The following AATK variants were observed in gnomAD, a reference collection of about 807,000 sequenced individuals.
AATK encodes the protein serine/threonine-protein kinase LMTK1.
AATK carries 91 observed loss-of-function variants against 114.3 expected under a neutral mutation model. That is an observed-to-expected ratio of 0.80 (90% CI 0.67 to 0.95). The LOEUF (loss-of-function observed/expected upper bound fraction) is 0.95, where lower values mean the gene tolerates loss of function less well. AATK is among the 40% of genes least tolerant of loss of function. The pLI is 0.00. For missense variants in AATK, 2,176 were observed against 1,965.2 expected, an observed-to-expected ratio of 1.11 and a Z score of -2.03; for synonymous variants, 1,075 against 916.5, an observed-to-expected ratio of 1.17 and a Z score of -3.12.
intron 1 of AATK, among the ~76,000 whole-genome samples, chr17:81,158,025 G>A (rs938957339): frequency 1.1e-4 from 17 of 152,238 alleles, no homozygotes; most frequent in African/African-American, 4.1e-4. Flanking sequence ...GCAGCAGCAG[G>A]GGGCTGCTGG....
chr17:81,138,723 CCA>C (rs749012776), intron 1 of AATK, among the ~76,000 whole-genome samples: 1 of 149,376 alleles, frequency 6.7e-6, no homozygotes, highest in Non-Finnish European at 1.5e-5. Flanking sequence ...ACGCGCAAAC[CCA>C]CACATGCGCG....
At position 81,120,999 on chromosome 17, in the gene AATK, G is replaced by C. The variant is rs56171293; in HGVS notation, c.2937C>G (p.Leu979=). Residue 979 remains leucine (L), a synonymous_variant, in exon 11 of 14, where the codon CTC becomes CTG. Transcript: ENST00000326724. The part of the protein sequence containing the change: ...EGEGPGPETR[L]STSLSGLNEK... ...CGTTGAGGCCACTGAGGGAGGTGGA[G>C]AGCCGTGTCTCGGGCCCGGGGCCCT... 81 of 1,610,626 alleles carry C rather than the reference G, an allele frequency of 5.0e-5. No individual in the cohort carries two copies. The highest frequency in any genetic ancestry group is 6.8e-5 in the Non-Finnish European group (80 of 1,179,160).
Position 81,120,098 on chromosome 17 carries a change from G to A in AATK, c.3736-15C>T, listed in dbSNP as rs1398202739. On this transcript the variant is annotated splice_polypyrimidine_tract_variant and intron_variant, in intron 11 of 13. Transcript: ENST00000326724. ...GTGGGGCTTTCCTGGAGGAATCAGAGAGCACCAGGTAGCTCGGCCGCCAGG... is the reference window on the plus strand; with the variant it reads ...GTGGGGCTTTCCTGGAGGAATCAGAAAGCACCAGGTAGCTCGGCCGCCAGG... 3.4e-6 allele frequency: 5 copies of A among 1,464,030 alleles called. No homozygotes were observed. The allele number at this position is 1,464,030 out of a possible 1,614,324, so 90.7% of individuals were successfully genotyped here.
chr17:81,132,921 C>G, intron 2 of AATK: 1 of 251,562 alleles, frequency 4.0e-6, no homozygotes, highest in Non-Finnish European at 8.1e-6. Flanking sequence ...TTGTTTGGGG[C>G]CTTGTTCTTA....
At chr17:81,152,844 A>AT (rs71166127) in intron 1 of AATK, among the ~76,000 whole-genome samples, 65,804 of 144,980 alleles carry the variant, frequency 0.45, 14,807 homozygotes, top group South Asian at 0.6. Context: ...GCCCTGCTGA[A>AT]TTTTTTTTTT....
At chr17:81,143,758 G>A (rs1252453732) in intron 1 of AATK, among the ~76,000 whole-genome samples, 1 of 152,200 alleles carries the variant, frequency 6.6e-6, no homozygotes. Context: ...GGGGTAAGGC[G>A]AGGCCTCCAC....
At chr17:81,165,885 C>CGTCCGCA in intron 1 of AATK, 53 bp downstream of exon 1, 2 of 1,550,320 alleles carry the variant, frequency 1.3e-6, no homozygotes, top group Non-Finnish European at 1.7e-6. Flanking sequence ...AGGGGCATCA[C>CGTCCGCA]GTCCGCAGCG....
rs754401007 is a variant in AATK, at chr17:81,120,024, C to T, written c.3795G>A (p.Thr1265=). 1.2e-5 allele frequency: 18 copies of T among 1,451,670 alleles called. No homozygotes were observed. The highest frequency in any genetic ancestry group is 3.0e-5 in the Admixed American group (1 of 33,004). The allele number at this position is 1,451,670 out of a possible 1,614,324, so 89.9% of individuals were successfully genotyped here. A position where few individuals can be genotyped will look rare whatever the true frequency, so the allele number is the denominator to read the frequency against. ...GAGAGCCGGGGCTCCCCCTAAGGAA[C>T]GTAGGGGGCGATTCCTTGGCGCCCG... ...PFPGAKESPP[T]FLRGSPGSPS... The change falls in exon 12 of 14, where the codon ACG becomes ACA. Residue 1265 remains threonine, a synonymous_variant. Coordinates refer to ENST00000326724, the MANE Select transcript of AATK (RefSeq NM_001080395.3).
At chr17:81,143,977 G>A (rs1012835078) in intron 1 of AATK, among the ~76,000 whole-genome samples, 3 of 152,208 alleles carry the variant, frequency 2.0e-5, no homozygotes, top group East Asian at 1.9e-4. Context: ...GCCCAGGGTT[G>A]CCCCTGCATG....
At chr17:81,119,164 AGGTGAG>A (rs2060633474) in intron 13 of AATK, among the ~76,000 whole-genome samples, 1 of 134,560 alleles carries the variant, frequency 7.4e-6, no homozygotes, top group African/African-American at 2.8e-5. Flanking sequence ...GGTGAGGGTC[AGGTGAG>A]GGTCAGGTGA....
chr17:81,124,015 C>T (rs1313858078), intron 9 of AATK, among the ~76,000 whole-genome samples: 2 of 152,136 alleles, frequency 1.3e-5, no homozygotes, highest in Non-Finnish European at 2.9e-5. Flanking sequence ...CAGGAAGGGG[C>T]ACCTTGGTGG....
chr17:81,158,677 C>T lies in AATK; in HGVS notation c.55+7261G>A, dbSNP rs946732896. ...CCAAAAAATACCTCCAATGGGCACT[C>T]GCTTGAGGGGCTCAGAAGAGCTGGG... On this transcript the variant is annotated intron_variant, in intron 1 of 13. Coordinates refer to ENST00000326724, the MANE Select transcript of AATK (RefSeq NM_001080395.3). Among the ~76,000 whole-genome samples, 2 of 152,222 alleles carry T rather than the reference C, an allele frequency of 1.3e-5. 1 individual carries two copies. Among genetic ancestry groups the T allele is most frequent in the Non-Finnish European group, 2.9e-5 (2 of 68,040 alleles).
rs1403563168 is a variant in AATK at position 81,121,326 on chromosome 17, G to A, written c.2610C>T (p.Ile870=). 1 of 1,611,264 alleles carries A rather than the reference G, an allele frequency of 6.2e-7. No individual in the cohort carries two copies. Among genetic ancestry groups the A allele is most frequent in the African/African-American group, 1.3e-5 (1 of 74,394 alleles). ...GGCCGTCGCTGGACGTGTCGGTGAA[G>A]ATGCCTGAGGTGGCCTCGGCCGTGT... The part of the protein sequence containing the change: ...DEDTAEATSG[I]FTDTSSDGLQ... The change falls in exon 11 of 14, where the codon ATC becomes ATT. Residue 870 remains isoleucine (I), a synonymous_variant. Coordinates refer to ENST00000326724, the MANE Select transcript of AATK (RefSeq NM_001080395.3).
At chr17:81,134,020 A>G (rs935449174) in intron 2 of AATK, among the ~76,000 whole-genome samples, 2 of 152,108 alleles carry the variant, frequency 1.3e-5, no homozygotes, top group Admixed American at 6.5e-5. Flanking sequence ...TCGGGCCTCT[A>G]GGGAGGCAAG....
chr17:81,139,138 TATC>T (rs902203857), intron 1 of AATK, among the ~76,000 whole-genome samples: 4 of 152,190 alleles, frequency 2.6e-5, no homozygotes, highest in Non-Finnish European at 5.9e-5. Context: ...GCTCAGTAGG[TATC>T]ATCATCCTCA....
Position 81,122,370 on chromosome 17 carries a change from G to A in AATK, c.1566C>T (p.His522=). 1 of 1,501,534 alleles carries A rather than the reference G, an allele frequency of 6.7e-7. No homozygotes were observed. The highest frequency in any genetic ancestry group is 1.9e-4 in the Middle Eastern group (1 of 5,296). 93.0% of individuals were successfully genotyped at this position (1,501,534 alleles called of 1,614,324 possible). The change falls in exon 11 of 14, where the codon CAC becomes CAT. Residue 522 remains histidine, a synonymous_variant. Transcript: ENST00000326724. ...AGTACTCGCTGCCCAGCGACGGGCT[G>A]TGCGCGCTGAGCACCGGAACCACGC... ...PPGVVPVLSA[H]SPSLGSEYFI... is the part of the protein sequence containing the mutation.
intron 1 of AATK, among the ~76,000 whole-genome samples, chr17:81,139,521 A>ACGG (rs1356615473): frequency 0.67 from 99,562 of 148,060 alleles, 36,897 homozygotes; most frequent in East Asian, 0.9. Context: ...CACAAGCTGC[A>ACGG]TGGTGTCCCC....
intron 9 of AATK, 80 bp from the exon 10 acceptor site, chr17:81,123,423 T>C: frequency 8.0e-7 from 1 of 1,256,836 alleles, no homozygotes; most frequent in Non-Finnish European, 1.0e-6. Flanking sequence ...GGGCGCCGAA[T>C]GGGGCAGCTC....
chr17:81,151,155 C>T (rs554928281), intron 1 of AATK, among the ~76,000 whole-genome samples: 5 of 152,200 alleles, frequency 3.3e-5, no homozygotes, highest in South Asian at 4.2e-4. Flanking sequence ...TTTGCACAGG[C>T]GCCCAGACAC....
Sources: gnomAD v4.1 joint callset for allele counts (sites outside exome capture counted in the v4.1 genomes callset) on GRCh38, gnomAD v4.1.1 for gene constraint, MANE v1.5 for transcripts, NCBI Gene and HGNC (gene_info 2026-07-23, HGNC 2026-07-21) for gene names.